The following PPP3CA variants were observed in gnomAD, a reference collection of about 807,000 sequenced individuals.
The protein encoded by PPP3CA is CAM-PRP catalytic subunit.
PPP3CA carries 14 observed loss-of-function variants against 66.5 expected under a neutral mutation model. That is an observed-to-expected ratio of 0.21 (90% confidence interval 0.14 to 0.33). The LOEUF (loss-of-function observed/expected upper bound fraction) is 0.33. PPP3CA is among the 10% of genes least tolerant of loss of function. The probability of loss-of-function intolerance (pLI) is 1.00; values close to 1 mark genes in which losing one functional copy is unlikely to be tolerated. For synonymous variants in PPP3CA, 232 were observed against 226.2 expected (o/e 1.03, Z -0.23); for missense variants, 317 against 639.5 (o/e 0.50, Z 5.44).
chr4:101,150,189 TA>T (rs1723094076), intron 2 of PPP3CA, among the ~76,000 whole-genome samples: 1 of 152,200 alleles, frequency 6.6e-6, no homozygotes, highest in South Asian at 2.1e-4. Context: ...AGATTCAGAA[TA>T]GGCCCATCAT....
intron 2 of PPP3CA, among the ~76,000 whole-genome samples, chr4:101,112,965 C>A (rs551015343): frequency 6.6e-6 from 1 of 152,084 alleles, no homozygotes; most frequent in Non-Finnish European, 1.5e-5. Flanking sequence ...TGGGCCTACG[C>A]TATGCTTAAT....
At chr4:101,294,900 G>A (rs1448006908) in intron 1 of PPP3CA, among the ~76,000 whole-genome samples, 2 of 152,082 alleles carry the variant, frequency 1.3e-5, no homozygotes, top group African/African-American at 4.8e-5. Context: ...AAATAGTCAT[G>A]GGTCCCAAAA....
chr4:101,330,621 T>C (rs1021529138), intron 1 of PPP3CA, among the ~76,000 whole-genome samples: 1 of 152,164 alleles, frequency 6.6e-6, no homozygotes, highest in Admixed American at 6.5e-5. Flanking sequence ...TGTGACTAGC[T>C]TTCCTGTGAT....
chr4:101,274,007 A>G (rs975558349), intron 1 of PPP3CA, among the ~76,000 whole-genome samples: 1 of 152,180 alleles, frequency 6.6e-6, no homozygotes, highest in African/African-American at 2.4e-5. Flanking sequence ...TAAGTAGCAT[A>G]CAGTAGATTA....
chr4:101,224,560 C>T (rs1015766310), intron 1 of PPP3CA, among the ~76,000 whole-genome samples: 1 of 151,780 alleles, frequency 6.6e-6, no homozygotes, highest in African/African-American at 2.4e-5. Flanking sequence ...AAGACAGCAG[C>T]AGCAGGCTGG....
At chr4:101,313,991 G>C (rs1728803836) in intron 1 of PPP3CA, among the ~76,000 whole-genome samples, 1 of 152,132 alleles carries the variant, frequency 6.6e-6, no homozygotes, top group Non-Finnish European at 1.5e-5. Context: ...AACACTAGAA[G>C]ATACAATTGT....
chr4:101,055,357 T>C (rs1728182489), intron 10 of PPP3CA, among the ~76,000 whole-genome samples: 1 of 152,134 alleles, frequency 6.6e-6, no homozygotes, highest in African/African-American at 2.4e-5. Flanking sequence ...ATTTCTTTTT[T>C]CTCTAAAGTG....
chr4:101,316,508 A>C (rs1001554267), intron 1 of PPP3CA, among the ~76,000 whole-genome samples: 3 of 152,136 alleles, frequency 2.0e-5, no homozygotes, highest in Admixed American at 2.0e-4. Context: ...TATAAATACT[A>C]ATGTTTTCCC....
At chr4:101,181,103 T>A (rs191898754) in intron 2 of PPP3CA, among the ~76,000 whole-genome samples, 29 of 152,230 alleles carry the variant, frequency 1.9e-4, no homozygotes, top group Admixed American at 3.9e-4. Context: ...GATAATTTTT[T>A]AAAAATATTT....
At chr4:101,032,111 T>C (rs1560570430) in intron 12 of PPP3CA, among the ~76,000 whole-genome samples, 156 bp downstream of exon 12, 2 of 152,198 alleles carry the variant, frequency 1.3e-5, no homozygotes, top group African/African-American at 4.8e-5. Context: ...ATGTTGGACA[T>C]GACTGATCAA....
chr4:101,120,693 T>G (rs561113988), intron 2 of PPP3CA, among the ~76,000 whole-genome samples: 59 of 152,204 alleles, frequency 3.9e-4, no homozygotes, highest in African/African-American at 1.3e-3. Context: ...TCTGAGAACT[T>G]AGATTAGATT....
intron 10 of PPP3CA, among the ~76,000 whole-genome samples, chr4:101,060,137 G>T (rs1220516683): frequency 6.6e-6 from 1 of 152,036 alleles, no homozygotes; most frequent in Non-Finnish European, 1.5e-5. Flanking sequence ...ACCCAGGCTG[G>T]AGTACTGTGG....
intron 2 of PPP3CA, among the ~76,000 whole-genome samples, chr4:101,195,646 A>G (rs776639627): frequency 2.6e-5 from 4 of 152,206 alleles, no homozygotes; most frequent in East Asian, 1.9e-4. Context: ...CTTAAAAACA[A>G]TATCACTTCT....
intron 2 of PPP3CA, among the ~76,000 whole-genome samples, chr4:101,175,849 C>T (rs924953502): frequency 6.6e-6 from 1 of 152,154 alleles, no homozygotes; most frequent in African/African-American, 2.4e-5. Flanking sequence ...TTCTACCACA[C>T]AGAGGAGTTA....
intron 1 of PPP3CA, among the ~76,000 whole-genome samples, chr4:101,246,071 A>G (rs951058085): frequency 7.9e-5 from 12 of 151,816 alleles, no homozygotes; most frequent in Non-Finnish European, 1.3e-4. Context: ...GAAATCTTCC[A>G]TGATAATCTT....
At chr4:101,102,448 C>T (rs1730488322) in intron 3 of PPP3CA, among the ~76,000 whole-genome samples, 1 of 152,068 alleles carries the variant, frequency 6.6e-6, no homozygotes, top group Non-Finnish European at 1.5e-5. Context: ...TTCCCTGTAA[C>T]AAGAATAAAA....
chr4:101,330,783 CT>C (rs939440405), intron 1 of PPP3CA, among the ~76,000 whole-genome samples: 2 of 151,996 alleles, frequency 1.3e-5, no homozygotes, highest in African/African-American at 4.8e-5. Flanking sequence ...TAGCACTACA[CT>C]TTTTTTTCAT....
chr4:101,322,618 C>G (rs1210599595), intron 1 of PPP3CA, among the ~76,000 whole-genome samples: 4 of 152,084 alleles, frequency 2.6e-5, no homozygotes, highest in African/African-American at 9.7e-5. Context: ...CCATGCTGGC[C>G]AGGCTGGTCT....
chr4:101,299,055 C>T (rs1230345985), intron 1 of PPP3CA, among the ~76,000 whole-genome samples: 1 of 139,036 alleles, frequency 7.2e-6, no homozygotes, highest in Non-Finnish European at 1.5e-5. Flanking sequence ...TGCTGAATAT[C>T]AATAATTTCT....
Sources: gnomAD v4.1 joint callset for allele counts (sites outside exome capture counted in the v4.1 genomes callset) on GRCh38, gnomAD v4.1.1 for gene constraint, MANE v1.5 for transcripts, NCBI Gene and HGNC (gene_info 2026-07-23, HGNC 2026-07-21) for gene names.